Variants in PRKAG2 observed in about 807,000 individuals in gnomAD.
PRKAG2 encodes 5'-AMP-activated protein kinase subunit gamma-2.
PRKAG2 carries 26 observed loss-of-function variants against 69.6 expected under a neutral mutation model. That is an observed-to-expected ratio of 0.37 (90% CI 0.27 to 0.52). PRKAG2 has a LOEUF of 0.52. PRKAG2 is among the 20% of genes least tolerant of loss of function. The probability of loss-of-function intolerance (pLI) is 0.90; values close to 1 mark genes in which losing one functional copy is unlikely to be tolerated. For missense variants in PRKAG2, 557 were observed against 740.0 expected (o/e 0.75, Z 2.87); for synonymous variants, 293 against 285.0 (o/e 1.03, Z -0.28).
At chr7:151,617,049 C>A (rs1302973899) in intron 5 of PRKAG2, among the ~76,000 whole-genome samples, 1 of 151,880 alleles carries the variant, frequency 6.6e-6, no homozygotes, top group African/African-American at 2.4e-5. Flanking sequence ...CGCCTGAGGT[C>A]AAGAGTACAA....
chr7:151,842,037 T>C (rs2079308651), intron 1 of PRKAG2, among the ~76,000 whole-genome samples: 1 of 138,980 alleles, frequency 7.2e-6, no homozygotes, highest in Admixed American at 7.0e-5. Flanking sequence ...ATGGTAGTGA[T>C]GGTAGTGATG....
At chr7:151,861,527 CCA>C (rs1491572687) in intron 1 of PRKAG2, among the ~76,000 whole-genome samples, 44 of 60,386 alleles carry the variant, frequency 7.3e-4, no homozygotes, top group Non-Finnish European at 7.6e-4. Flanking sequence ...GACTCTGTCT[CCA>C]AAAAAAAAAA....
intron 3 of PRKAG2, among the ~76,000 whole-genome samples, chr7:151,736,676 T>G (rs1484198247): frequency 6.6e-6 from 1 of 152,180 alleles, no homozygotes; most frequent in East Asian, 1.9e-4. Flanking sequence ...GGGCTGGAAA[T>G]TGCTGAATCT....
chr7:151,765,156 T>C (rs1038798700), intron 3 of PRKAG2, among the ~76,000 whole-genome samples: 6 of 152,160 alleles, frequency 3.9e-5, no homozygotes, highest in Admixed American at 2.0e-4. Context: ...GGGTAACTTA[T>C]GCAGAAAAAA....
At chr7:151,742,182 T>C (rs1027472306) in intron 3 of PRKAG2, among the ~76,000 whole-genome samples, 5 of 152,130 alleles carry the variant, frequency 3.3e-5, no homozygotes, top group African/African-American at 1.2e-4. Context: ...TTCTCATCCA[T>C]GTGCACAGGA....
intron 3 of PRKAG2, among the ~76,000 whole-genome samples, chr7:151,708,367 T>C (rs1026886316): frequency 1.8e-4 from 27 of 152,194 alleles, no homozygotes; most frequent in African/African-American, 6.5e-4. Context: ...GGGCACTGTG[T>C]GGCCCCTCAA....
chr7:151,661,319 A>G (rs1563367403), intron 4 of PRKAG2, among the ~76,000 whole-genome samples: 1 of 152,322 alleles, frequency 6.6e-6, no homozygotes, highest in East Asian at 1.9e-4. Flanking sequence ...CTGGGACTAC[A>G]GGCACAAGCC....
rs945377508 is a variant in PRKAG2, at chr7:151,567,689, C to A, written c.1233+1027G>T. Among the ~76,000 whole-genome samples the A allele has an allele frequency of 6.6e-6, 1 of 152,168 alleles. No individual in the cohort carries two copies. The highest frequency in any genetic ancestry group is 2.4e-5 in the African/African-American group (1 of 41,440). ...TTTTTTTGTAAATTACTCTTCCCTA[C>A]CTTCTTTCTTAGCACAGCATGGTTA... is the stretch of plus-strand genomic sequence containing the variant. On this transcript the variant is annotated intron_variant, in intron 11 of 15. Coordinates refer to ENST00000287878, the MANE Select transcript of PRKAG2 (RefSeq NM_016203.4). This position sits in a 1 kb window ranked among gnomAD's most constrained non-coding sequence, Gnocchi z 4.2.
intron 3 of PRKAG2, among the ~76,000 whole-genome samples, chr7:151,697,190 G>A (rs375163372): frequency 1.3e-5 from 2 of 152,168 alleles, no homozygotes; most frequent in African/African-American, 4.8e-5. Flanking sequence ...GCTGGGGAAC[G>A]GGGGGTGGTG....
rs189113558 is a variant in PRKAG2 at position 151,797,811 on chromosome 7, A to C, written c.115-11270T>G. Among the ~76,000 whole-genome samples, 20 of 152,330 alleles carry C rather than the reference A, an allele frequency of 1.3e-4. No individual in the cohort carries two copies. In the East Asian group the frequency reaches 3.7e-3, roughly 28 times the overall value. The stretch of plus-strand genomic sequence containing the variant: ...GTCTCCTCACTTCCATCCCGGGGTG[A>C]GCCGGCCACTCCCGCAGCATCTGGC... On this transcript the variant is annotated intron_variant, in intron 1 of 15. Transcript: ENST00000287878.
At chr7:151,564,483 T>C (rs1213884917) in intron 13 of PRKAG2, among the ~76,000 whole-genome samples, 1 of 152,204 alleles carries the variant, frequency 6.6e-6, no homozygotes, top group African/African-American at 2.4e-5. Flanking sequence ...ACTTTGACAG[T>C]ATATCCTGCC....
At chr7:151,824,836 C>T (rs377293616) in intron 1 of PRKAG2, among the ~76,000 whole-genome samples, 2 of 152,208 alleles carry the variant, frequency 1.3e-5, no homozygotes, top group African/African-American at 2.4e-5. Flanking sequence ...GACACTCGTG[C>T]GCTTTCTCCT....
In PRKAG2 at chr7:151,582,748, G is replaced by A. The variant is rs1011600312; in HGVS notation, c.865-6296C>T. Among the ~76,000 whole-genome samples, 9 of 152,302 alleles carry A rather than the reference G, an allele frequency of 5.9e-5. No homozygotes were observed. The South Asian group carries it at 1.2e-3, about 21-fold the overall frequency. ...AATCATAAGCACAGCAGCTCACTTC[G>A]TTTTTCTGATGGCCTCAAGCACCAA... is the stretch of plus-strand genomic sequence containing the variant. On this transcript the variant is annotated intron_variant, in intron 6 of 15. Transcript: ENST00000287878.
chr7:151,784,890 T>C (rs376206800), intron 2 of PRKAG2, among the ~76,000 whole-genome samples: 128 of 152,232 alleles, frequency 8.4e-4, no homozygotes, highest in African/African-American at 2.9e-3. Context: ...CTGACCCCTC[T>C]CACCGGGAAC....
chr7:151,858,457 T>C (rs2079838645), intron 1 of PRKAG2, among the ~76,000 whole-genome samples: 2 of 152,208 alleles, frequency 1.3e-5, no homozygotes, highest in Admixed American at 6.5e-5. Context: ...CCAGGTGTCA[T>C]AAAGATACGT....
intron 4 of PRKAG2, among the ~76,000 whole-genome samples, chr7:151,671,914 A>T (rs552062708): frequency 7.4e-4 from 113 of 152,326 alleles, no homozygotes; most frequent in East Asian, 3.7e-3. Context: ...GCCTTGGGCC[A>T]TCAGCCTGAT....
intron 5 of PRKAG2, among the ~76,000 whole-genome samples, chr7:151,602,598 A>G (rs1816375975): frequency 6.6e-6 from 1 of 152,222 alleles, no homozygotes; most frequent in Non-Finnish European, 1.5e-5. Flanking sequence ...CAGATTTACA[A>G]AAAAGTTGCA....
At chr7:151,670,044 A>G (rs1376218694) in intron 4 of PRKAG2, among the ~76,000 whole-genome samples, 1 of 148,738 alleles carries the variant, frequency 6.7e-6, no homozygotes, top group African/African-American at 2.5e-5. Context: ...GCATGCACAC[A>G]CACCTGTGCA....
At chr7:151,744,855 C>T (rs1437648208) in intron 3 of PRKAG2, among the ~76,000 whole-genome samples, 2 of 152,188 alleles carry the variant, frequency 1.3e-5, no homozygotes, top group South Asian at 2.1e-4. Flanking sequence ...CCACACCCTG[C>T]GGCTGTACAG....
Sources: gnomAD v4.1 joint callset for allele counts (sites outside exome capture counted in the v4.1 genomes callset) on GRCh38, gnomAD v4.1.1 for gene constraint, Gnocchi (gnomAD v3.1) non-coding constraint, MANE v1.5 for transcripts, NCBI Gene and HGNC (gene_info 2026-07-23, HGNC 2026-07-21) for gene names.